The following AQP7B variants were observed in gnomAD, a reference collection of about 807,000 sequenced individuals.
AQP7B encodes the protein aquaporin 7B.
At chr2:94,602,682 A>G in the AQP7B span, 26 of 1,466,414 alleles carry the variant, frequency 1.8e-5, no homozygotes, top group Admixed American at 5.3e-5. Context: ...TTTCCTGCCC[A>G]CCTCAGCCAG....
At chr2:94,601,560 A>G in the AQP7B span, among the ~76,000 whole-genome samples, 4 of 152,316 alleles carry the variant, frequency 2.6e-5, no homozygotes, top group East Asian at 3.9e-4. Context: ...TGTCTGTGAC[A>G]TGTGGAAGTG....
the AQP7B span, among the ~76,000 whole-genome samples, chr2:94,587,618 G>A: frequency 3.9e-5 from 6 of 152,138 alleles, no homozygotes; most frequent in Non-Finnish European, 8.8e-5. Flanking sequence ...TTCTCTCTGG[G>A]CCTCAGTTTC....
the AQP7B span, chr2:94,603,488 G>T: frequency 6.2e-7 from 1 of 1,610,088 alleles, no homozygotes; most frequent in Non-Finnish European, 8.5e-7. Flanking sequence ...TTGTGGCGGG[G>T]CTTCCTGAAT....
At chr2:94,601,604 G>T in the AQP7B span, among the ~76,000 whole-genome samples, 210 of 152,306 alleles carry the variant, frequency 1.4e-3, 1 homozygote, top group Middle Eastern at 0.01. Context: ...CGAGGGAAGG[G>T]GTGAAGCAGC....
chr2:94,603,001 C>T, the AQP7B span: 6 of 1,574,628 alleles, frequency 3.8e-6, no homozygotes, highest in African/African-American at 2.7e-5. Flanking sequence ...GTTTGTTCTG[C>T]TCTCACTCCC....
At chr2:94,601,585 G>A in the AQP7B span, among the ~76,000 whole-genome samples, 1 of 152,222 alleles carries the variant, frequency 6.6e-6, no homozygotes, top group Non-Finnish European at 1.5e-5. Context: ...CCAGATTGAG[G>A]AGGGGGTGCG....
At chr2:94,598,002 G>A in the AQP7B span, among the ~76,000 whole-genome samples, 1 of 152,098 alleles carries the variant, frequency 6.6e-6, no homozygotes, top group African/African-American at 2.4e-5. Context: ...CCCCAGCCAG[G>A]GTAAGGTCCT....
the AQP7B span, chr2:94,604,594 C>T: frequency 1.3e-6 from 2 of 1,540,128 alleles, no homozygotes; most frequent in South Asian, 1.2e-5. Flanking sequence ...TTTGTGATCC[C>T]ATCCCTTCCC....
chr2:94,602,557 C>G, the AQP7B span: 136 of 1,604,426 alleles, frequency 8.5e-5, no homozygotes, highest in Admixed American at 2.2e-4. Flanking sequence ...ACCTTGGTGT[C>G]AACTTGGGTT....
chr2:94,591,932 T>C, the AQP7B span, among the ~76,000 whole-genome samples: 1 of 152,208 alleles, frequency 6.6e-6, no homozygotes, highest in African/African-American at 2.4e-5. Context: ...TAGTAATTGC[T>C]CAATTGATTG....
At chr2:94,599,550 C>A in the AQP7B span, among the ~76,000 whole-genome samples, 3 of 152,144 alleles carry the variant, frequency 2.0e-5, no homozygotes, top group Non-Finnish European at 2.9e-5. Flanking sequence ...CCACCAGACC[C>A]ATTAACCACC....
chr2:94,589,681 G>T, the AQP7B span, among the ~76,000 whole-genome samples: 3 of 152,008 alleles, frequency 2.0e-5, no homozygotes, highest in Non-Finnish European at 4.4e-5. Context: ...ATTGCCTCTA[G>T]CCTACGTCTC....
chr2:94,587,700 A>G, the AQP7B span, among the ~76,000 whole-genome samples: 1 of 152,122 alleles, frequency 6.6e-6, no homozygotes, highest in Non-Finnish European at 1.5e-5. Flanking sequence ...GGGCTGGACT[A>G]TCAGCAGACC....
chr2:94,596,650 G>A, the AQP7B span, among the ~76,000 whole-genome samples: 1 of 152,150 alleles, frequency 6.6e-6, no homozygotes, highest in African/African-American at 2.4e-5. Flanking sequence ...TCCTAGCTCT[G>A]TTATCTTCTA....
chr2:94,597,626 G>GTT, the AQP7B span, among the ~76,000 whole-genome samples: 9 of 121,810 alleles, frequency 7.4e-5, no homozygotes, highest in South Asian at 2.8e-4. Flanking sequence ...TTTTTTTTTT[G>GTT]TTTTTTTTTT....
the AQP7B span, among the ~76,000 whole-genome samples, chr2:94,592,851 T>A: frequency 4.4e-5 from 6 of 136,878 alleles, no homozygotes; most frequent in East Asian, 1.3e-3. Context: ...TGAGACAGGG[T>A]TTCGCTCTGT....
At chr2:94,600,264 C>G in the AQP7B span, among the ~76,000 whole-genome samples, 1 of 152,136 alleles carries the variant, frequency 6.6e-6, no homozygotes, top group Non-Finnish European at 1.5e-5. Flanking sequence ...AGGTTTTTTC[C>G]TTTATCAACT....
the AQP7B span, among the ~76,000 whole-genome samples, chr2:94,589,683 C>T: frequency 8.5e-5 from 13 of 152,196 alleles, no homozygotes; most frequent in Admixed American, 5.2e-4. Flanking sequence ...TGCCTCTAGC[C>T]TACGTCTCTT....
At chr2:94,598,877 G>T in the AQP7B span, among the ~76,000 whole-genome samples, 1 of 152,164 alleles carries the variant, frequency 6.6e-6, no homozygotes, top group Non-Finnish European at 1.5e-5. Flanking sequence ...TGTGATCTCA[G>T]CTCACTGCTC....
Sources: allele counts gnomAD v4.1 joint callset (sites outside exome capture counted in the v4.1 genomes callset), GRCh38; gene constraint gnomAD v4.1.1; transcripts MANE v1.5; gene names NCBI Gene and HGNC (gene_info 2026-07-23, HGNC 2026-07-21).